Variants in CPEB1 observed in about 807,000 individuals in gnomAD.
CPEB1 encodes the protein cytoplasmic polyadenylation element-binding protein 1.
A neutral mutation model predicts 65.8 loss-of-function variants in CPEB1; 7 were observed. The observed-to-expected ratio is 0.11, with a 90% CI of 0.06 to 0.20. The LOEUF (loss-of-function observed/expected upper bound fraction) is 0.20, where lower values mean the gene tolerates loss of function less well. Ranked by LOEUF, CPEB1 falls within the 10% of genes least tolerant of loss-of-function variation. The pLI, the probability that CPEB1 is intolerant of heterozygous loss-of-function variation, is 1.00. For missense variants in CPEB1, 551 were observed against 712.2 expected (o/e 0.77, Z 2.58); for synonymous variants, 262 against 260.0 (o/e 1.01, Z -0.08).
At chr15:82,571,636 G>A (rs1033352367) in intron 3 of CPEB1, 104 bp from the exon 4 acceptor site, 1 of 1,472,858 alleles carries the variant, frequency 6.8e-7, no homozygotes, top group African/African-American at 1.4e-5. Context: ...AGGCTCACAG[G>A]CCAGACATCC....
intron 3 of CPEB1, among the ~76,000 whole-genome samples, chr15:82,608,519 G>A (rs1305120360): frequency 3.3e-5 from 5 of 152,164 alleles, no homozygotes; most frequent in African/African-American, 1.2e-4. Flanking sequence ...GAGCTAGGGA[G>A]GAAGGTATGA....
At chr15:82,609,609 T>A in intron 3 of CPEB1, among the ~76,000 whole-genome samples, 1 of 149,832 alleles carries the variant, frequency 6.7e-6, no homozygotes, top group African/African-American at 2.5e-5. Flanking sequence ...CAACAAAGAT[T>A]AAAGTCGAAA....
intron 3 of CPEB1, among the ~76,000 whole-genome samples, chr15:82,578,204 G>A (rs2040877123): frequency 6.6e-6 from 1 of 152,186 alleles, no homozygotes; most frequent in Admixed American, 6.5e-5. Flanking sequence ...AGGAAACTGA[G>A]TAATTCCATG....
At chr15:82,629,386 A>G in intron 1 of CPEB1, 1 of 985,342 alleles carries the variant, frequency 1.0e-6, no homozygotes, top group Non-Finnish European at 1.2e-6. Context: ...TTATTAGTAC[A>G]TACAACTTTA....
rs139233730 is a variant in CPEB1 at position 82,545,595 on chromosome 15, G to T, written c.1656+846C>A. Among the ~76,000 whole-genome samples, 250 of 152,192 alleles carry T rather than the reference G, an allele frequency of 1.6e-3. 1 individual carries two copies. Among genetic ancestry groups the T allele is most frequent in the African/African-American group, 5.8e-3 (239 of 41,504 alleles). ...GAATCAGAATCTAAGATCCTCAGGT[G>T]ATGTGTCTGTAATTAAGGTTTGAGA... On this transcript the variant is annotated intron_variant, in intron 12 of 12. Transcript: ENST00000684509.
chr15:82,642,774 C>T (rs188388904), intron 1 of CPEB1, among the ~76,000 whole-genome samples: 2 of 152,230 alleles, frequency 1.3e-5, no homozygotes, highest in South Asian at 2.1e-4. Flanking sequence ...AGCACATTTG[C>T]AGAACAGGAT....
chr15:82,609,637 A>G (rs142218791), intron 3 of CPEB1, among the ~76,000 whole-genome samples: 1 of 151,620 alleles, frequency 6.6e-6, no homozygotes, highest in Non-Finnish European at 1.5e-5. Flanking sequence ...TAGAAAAACT[A>G]TAAAAAAAAA....
At chr15:82,631,911 T>G (rs537768595) in intron 1 of CPEB1, among the ~76,000 whole-genome samples, 1 of 152,150 alleles carries the variant, frequency 6.6e-6, no homozygotes, top group East Asian at 1.9e-4. Flanking sequence ...GCTGGAACAT[T>G]TGCATATACA....
chr15:82,589,483 C>G (rs934392548), intron 3 of CPEB1, among the ~76,000 whole-genome samples: 2 of 152,190 alleles, frequency 1.3e-5, no homozygotes, highest in Admixed American at 6.5e-5. Flanking sequence ...GTAGCTACTG[C>G]CTGTAATCCT....
chr15:82,613,783 C>T (rs1449533289), intron 3 of CPEB1, among the ~76,000 whole-genome samples: 1 of 150,774 alleles, frequency 6.6e-6, no homozygotes, highest in Non-Finnish European at 1.5e-5. Context: ...ACAACCCCTC[C>T]CCTAAGACTG....
At position 82,592,938 on chromosome 15, in the gene CPEB1, A is replaced by C. The variant is rs368132331; in HGVS notation, c.272-21406T>G. Among the ~76,000 whole-genome samples the C allele has an allele frequency of 2.5e-4, 38 of 152,354 alleles. No homozygotes were observed. The South Asian group carries it at 7.9e-3, about 32-fold the overall frequency. ...CCTGAACCTGGGAGGCGGAGGTTGC[A>C]GTGAGCCAAGATTGCGCTGCTACAC... On this transcript the variant is annotated intron_variant, in intron 3 of 12. Transcript: ENST00000684509.
At position 82,628,473 on chromosome 15, in the gene CPEB1, G is replaced by C. The variant is rs1210624697; in HGVS notation, c.-14C>G. On this transcript the variant is annotated 5_prime_UTR_variant, in exon 2 of 13. It adds an upstream start codon to the 5' untranslated region. Transcript: ENST00000684509. ...GCCAGAAAACATATTGACATTAGAT[G>C]ATCTGGCAAAAGGGTTCCGATTATT... 2.8e-6 allele frequency: 2 copies of C among 702,616 alleles called. No homozygotes were observed. Among genetic ancestry groups the C allele is most frequent in the South Asian group, 3.0e-5 (2 of 67,492 alleles). The allele number at this position is 702,616 out of a possible 1,614,324, so 43.5% of individuals were successfully genotyped here.
intron 3 of CPEB1, among the ~76,000 whole-genome samples, chr15:82,626,782 T>TA (rs766583427): frequency 8.5e-5 from 13 of 152,202 alleles, no homozygotes; most frequent in South Asian, 2.1e-4. Flanking sequence ...GTAGTACTAA[T>TA]AAAAAAAATC....
At chr15:82,603,125 T>A (rs990520669) in intron 3 of CPEB1, among the ~76,000 whole-genome samples, 1 of 151,880 alleles carries the variant, frequency 6.6e-6, no homozygotes, top group African/African-American at 2.4e-5. Flanking sequence ...CATACCTTCC[T>A]CTCTAGCTCT....
chr15:82,563,828 A>AT lies in CPEB1; in HGVS notation c.461-5843dup, dbSNP rs200621980. ...CTTCTATAAATTTGAAATTATTTCC[A>AT]TTTTTTTTTAATGACAGGAAGAAAA... is the stretch of plus-strand genomic sequence containing the variant. On this transcript the variant is annotated intron_variant, in intron 4 of 12. Transcript: ENST00000684509. Among the ~76,000 whole-genome samples the AT allele has an allele frequency of 1.2e-3, 184 of 150,166 alleles. 1 individual carries two copies. Among genetic ancestry groups the AT allele is most frequent in the African/African-American group, 3.9e-3 (162 of 41,174 alleles).
intron 3 of CPEB1, among the ~76,000 whole-genome samples, chr15:82,626,810 A>G (rs113067906): frequency 0.013 from 1,930 of 152,324 alleles, 35 homozygotes; most frequent in African/African-American, 0.043. Context: ...TAGTTTTCAT[A>G]TTAAATGTTG....
chr15:82,629,987 G>C (rs188465995), intron 1 of CPEB1: 1 of 985,442 alleles, frequency 1.0e-6, no homozygotes, highest in East Asian at 1.1e-4. Context: ...AAGCTCTCTA[G>C]AGTGGTGCCA....
intron 1 of CPEB1, among the ~76,000 whole-genome samples, chr15:82,641,904 A>G (rs2047146798): frequency 6.6e-6 from 1 of 152,238 alleles, no homozygotes; most frequent in Admixed American, 6.5e-5. Context: ...AATAATCCCT[A>G]ACATTGGGCT....
intron 1 of CPEB1, among the ~76,000 whole-genome samples, chr15:82,633,458 T>G (rs1457601087): frequency 6.6e-6 from 1 of 152,234 alleles, no homozygotes; most frequent in Non-Finnish European, 1.5e-5. Context: ...CTGTAACCTC[T>G]GCCTCCCGGG....
Sources: gnomAD v4.1 joint callset for allele counts (sites outside exome capture counted in the v4.1 genomes callset) on GRCh38, gnomAD v4.1.1 for gene constraint, MANE v1.5 for transcripts, NCBI Gene and HGNC (gene_info 2026-07-23, HGNC 2026-07-21) for gene names.